The following EDNRA variants were observed in gnomAD, a reference collection of about 807,000 sequenced individuals.
EDNRA encodes endothelin receptor type A, also known as endothelin-1 receptor.
Under a neutral mutation model 41.4 loss-of-function variants are expected in EDNRA, and 11 were observed. The ratio of observed to expected loss-of-function variants is 0.27; its 90% CI spans 0.17 to 0.44. The LOEUF is 0.44. Ranked by LOEUF, EDNRA falls within the 20% of genes least tolerant of loss-of-function variation. The pLI, the probability that EDNRA is intolerant of heterozygous loss-of-function variation, is 1.00. For synonymous variants in EDNRA, 172 were observed against 183.0 expected, an observed-to-expected ratio of 0.94 and a Z score of 0.49; for missense variants, 294 against 531.0, an observed-to-expected ratio of 0.55 and a Z score of 4.39.
chr4:147,538,111 C>T (rs938975489), intron 5 of EDNRA, among the ~76,000 whole-genome samples: 22 of 152,238 alleles, frequency 1.4e-4, no homozygotes, highest in Admixed American at 7.2e-4. Flanking sequence ...TCTCCCATAG[C>T]AAAAAGTTCA....
At chr4:147,505,626 G>A (rs1482912130) in intron 2 of EDNRA, among the ~76,000 whole-genome samples, 10 of 147,020 alleles carry the variant, frequency 6.8e-5, no homozygotes, top group Non-Finnish European at 1.2e-4. Flanking sequence ...ACAGGCGTAA[G>A]CCACCCTGCC....
chr4:147,529,685 G>A (rs2126468852), intron 3 of EDNRA, among the ~76,000 whole-genome samples: 1 of 152,302 alleles, frequency 6.6e-6, no homozygotes, highest in East Asian at 1.9e-4. Flanking sequence ...GATATACAGA[G>A]AGAGATGTAT....
chr4:147,536,104 CT>C, intron 5 of EDNRA, 75 bp downstream of exon 5: 1 of 1,508,504 alleles, frequency 6.6e-7, no homozygotes, highest in Non-Finnish European at 9.1e-7. Context: ...CAAATACCAT[CT>C]TTAGTAGAAT....
chr4:147,490,360 T>G (rs953929228), intron 2 of EDNRA: 2 of 152,196 alleles, frequency 1.3e-5, no homozygotes, highest in Admixed American at 1.3e-4. Context: ...AACTGATTTT[T>G]AGTTGTTCAA....
chr4:147,530,516 T>C (rs1285827014), intron 3 of EDNRA, among the ~76,000 whole-genome samples: 2 of 152,252 alleles, frequency 1.3e-5, no homozygotes, highest in African/African-American at 4.8e-5. Flanking sequence ...TTTGAAATAA[T>C]CTGGACTTTT....
chr4:147,490,147 TCACACACA>T (rs35106938), intron 2 of EDNRA: 25,898 of 140,748 alleles, frequency 0.18, 2,344 homozygotes, highest in Middle Eastern at 0.25. Flanking sequence ...TTACATACAC[TCACACACA>T]CACACACACA....
intron 2 of EDNRA, among the ~76,000 whole-genome samples, chr4:147,515,604 T>C (rs561396808): frequency 6.6e-6 from 1 of 152,242 alleles, no homozygotes; most frequent in African/African-American, 2.4e-5. Context: ...AGTCCCCCTG[T>C]GGTGGAGACT....
chr4:147,539,702 G>T (rs1292372021), intron 5 of EDNRA, 115 bp from the exon 6 acceptor site: 3 of 1,234,140 alleles, frequency 2.4e-6, no homozygotes, highest in African/African-American at 3.0e-5. Flanking sequence ...TGTTCTCCTG[G>T]CTCTTCTTTG....
Position 147,505,326 on chromosome 4 carries a change from C to CTTTTTTTTTTTTTTTT in EDNRA, c.421-14525_421-14524insTTTTTTTTTTTTTTTT, listed in dbSNP as rs1729660192. On this transcript the variant is annotated intron_variant, in intron 2 of 7. Coordinates refer to ENST00000651419, the MANE Select transcript of EDNRA (RefSeq NM_001957.4). The stretch of plus-strand genomic sequence containing the variant: ...AAGAGAGTTTGGCAGTTTCTTTTTT[C>CTTTTTTTTTTTTTTTT]ATTTTTTTTTTTTTTTTTTTTTTTT... Among the ~76,000 whole-genome samples the CTTTTTTTTTTTTTTTT allele has an allele frequency of 3.7e-4, 30 of 81,982 alleles. 1 individual carries two copies. Among genetic ancestry groups the CTTTTTTTTTTTTTTTT allele is most frequent in the African/African-American group, 1.5e-3 (28 of 18,396 alleles). The allele number at this position is 81,982 out of a possible 152,430, so 53.8% of individuals were successfully genotyped here.
intron 3 of EDNRA, 76 bp from the exon 4 acceptor site, chr4:147,532,430 A>G: frequency 2.2e-6 from 3 of 1,350,006 alleles, no homozygotes; most frequent in Non-Finnish European, 3.2e-6. Context: ...GGAACTTCCC[A>G]GCACTTACAA....
At chr4:147,491,231 T>C (rs1393103238) in intron 2 of EDNRA, 1 of 152,208 alleles carries the variant, frequency 6.6e-6, no homozygotes, top group East Asian at 1.9e-4. Flanking sequence ...GTCAAGACTC[T>C]CAATATGTTG....
chr4:147,484,175 A>G (rs535724919), intron 1 of EDNRA, among the ~76,000 whole-genome samples: 1 of 152,304 alleles, frequency 6.6e-6, no homozygotes, highest in African/African-American at 2.4e-5. Flanking sequence ...AGGATGAGCT[A>G]TTTTTAATTA....
At chr4:147,531,937 G>A (rs748763379) in intron 3 of EDNRA, among the ~76,000 whole-genome samples, 1 of 151,186 alleles carries the variant, frequency 6.6e-6, no homozygotes, top group African/African-American at 2.4e-5. Context: ...GTGAACCTGG[G>A]AGGCGGAGCT....
chr4:147,498,984 A>C (rs537577817), intron 2 of EDNRA, among the ~76,000 whole-genome samples: 1 of 152,208 alleles, frequency 6.6e-6, no homozygotes, highest in Non-Finnish European at 1.5e-5. Context: ...AGAAATCAAA[A>C]TATGTTTTAT....
chr4:147,520,494 C>T, intron 3 of EDNRA: 1 of 518,040 alleles, frequency 1.9e-6, no homozygotes. Context: ...CTGAAAACTC[C>T]ATCAAATGTC....
At position 147,514,323 on chromosome 4, in the gene EDNRA, G is replaced by T. The variant is rs377322774; in HGVS notation, c.421-5528G>T. Among the ~76,000 whole-genome samples, 105 of 152,258 alleles carry T rather than the reference G, an allele frequency of 6.9e-4. 2 individuals carry two copies. In the South Asian group the frequency reaches 0.02, roughly 29 times the overall value. The stretch of plus-strand genomic sequence containing the variant: ...ATATAGGGGAGAACAGCCTTATTTT[G>T]TAGTGCTAAGCTGGTGAGGCCTGGG... On this transcript the variant is annotated intron_variant, in intron 2 of 7. Coordinates refer to ENST00000651419, the MANE Select transcript of EDNRA (RefSeq NM_001957.4).
rs1354587816 is a variant in EDNRA at position 147,544,049 on chromosome 4, G to C, written c.*1431G>C. On this transcript the variant is annotated 3_prime_UTR_variant, in exon 8 of 8. Transcript: ENST00000651419. ...TAGCCCATTTTTCTAGACTGTCTCT[G>C]TGGAATATATTTGTGTGTGTGATAT... 1 of 152,524 alleles carries C rather than the reference G, an allele frequency of 6.6e-6. No homozygotes were observed. The highest frequency in any genetic ancestry group is 2.4e-5 in the African/African-American group (1 of 41,404). The allele number at this position is 152,524 out of a possible 1,614,324, so 9.4% of individuals were successfully genotyped here. A position where few individuals can be genotyped will look rare whatever the true frequency, so the allele number is the denominator to read the frequency against.
chr4:147,526,520 G>T (rs1417776058), intron 3 of EDNRA, among the ~76,000 whole-genome samples: 3 of 152,192 alleles, frequency 2.0e-5, no homozygotes, highest in Non-Finnish European at 2.9e-5. Flanking sequence ...CCTTTCAGAG[G>T]CCAGACCTGG....
At chr4:147,505,948 G>C (rs1262096311) in intron 2 of EDNRA, 1 of 308,862 alleles carries the variant, frequency 3.2e-6, no homozygotes, top group African/African-American at 2.2e-5. Flanking sequence ...GCGCCCGGCC[G>C]GCAGTTTCTT....
Sources: gnomAD v4.1 joint callset for allele counts (sites outside exome capture counted in the v4.1 genomes callset) on GRCh38, gnomAD v4.1.1 for gene constraint, MANE v1.5 for transcripts, NCBI Gene and HGNC (gene_info 2026-07-23, HGNC 2026-07-21) for gene names.